STOM: variants seen among roughly 807,000 people sequenced by gnomAD.
STOM encodes the protein stomatin.
Under a neutral mutation model 30.6 loss-of-function variants are expected in STOM, and 25 were observed. That is an observed-to-expected ratio of 0.82 (90% CI 0.60 to 1.14). The LOEUF is 1.14. Ranked by LOEUF, STOM falls within the 50% of genes most tolerant of loss-of-function variation. The probability of loss-of-function intolerance (pLI) is 0.00; values close to 1 mark genes in which losing one functional copy is unlikely to be tolerated. For synonymous variants in STOM, 118 were observed against 130.8 expected, an observed-to-expected ratio of 0.90 and a Z score of 0.67; for missense variants, 292 against 365.2, an observed-to-expected ratio of 0.80 and a Z score of 1.63.
chr9:121,362,735 G>A (rs2064465698), intron 1 of STOM, among the ~76,000 whole-genome samples: 1 of 152,192 alleles, frequency 6.6e-6, no homozygotes, highest in South Asian at 2.1e-4. Flanking sequence ...TGAAGTAGGT[G>A]TTAAAATATG....
intron 2 of STOM, among the ~76,000 whole-genome samples, chr9:121,355,507 AT>A (rs1212190285): frequency 6.6e-6 from 1 of 152,178 alleles, no homozygotes; most frequent in Non-Finnish European, 1.5e-5. Context: ...CTTGGAGCAT[AT>A]TTTATCTTCT....
chr9:121,349,536 A>C (rs1475057517), intron 4 of STOM, among the ~76,000 whole-genome samples: 1 of 152,204 alleles, frequency 6.6e-6, no homozygotes, highest in African/African-American at 2.4e-5. Flanking sequence ...ATATCACTCA[A>C]CAGCAGGCAC....
At chr9:121,364,126 A>G (rs2064481450) in intron 1 of STOM, among the ~76,000 whole-genome samples, 1 of 152,170 alleles carries the variant, frequency 6.6e-6, no homozygotes, top group South Asian at 2.1e-4. Context: ...GAATCCTACA[A>G]AGAGAGATAG....
intron 1 of STOM, among the ~76,000 whole-genome samples, chr9:121,365,071 A>G (rs1589299278): frequency 6.6e-6 from 1 of 152,154 alleles, no homozygotes; most frequent in Non-Finnish European, 1.5e-5. Context: ...TAGTGTATAT[A>G]ACAGGTACTC....
At chr9:121,355,953 GAC>G (rs1336170148) in intron 2 of STOM, 98 bp downstream of exon 2, 1 of 710,064 alleles carries the variant, frequency 1.4e-6, no homozygotes, top group East Asian at 3.0e-5. Context: ...AAGAGAGAGA[GAC>G]AGTCTGTTTC....
intron 1 of STOM, among the ~76,000 whole-genome samples, chr9:121,360,077 A>G (rs966218950): frequency 6.6e-6 from 1 of 152,222 alleles, no homozygotes; most frequent in Non-Finnish European, 1.5e-5. Context: ...CCCATAACAT[A>G]CTAGAGTAAA....
At chr9:121,354,557 G>C (rs368147015) in intron 3 of STOM, 44 bp downstream of exon 3, 4 of 1,460,810 alleles carry the variant, frequency 2.7e-6, no homozygotes, top group Non-Finnish European at 3.7e-6. Context: ...AAAATAAAAA[G>C]AACTTTAGTT....
At chr9:121,351,661 A>G (rs1002011515) in intron 4 of STOM, among the ~76,000 whole-genome samples, 3 of 152,246 alleles carry the variant, frequency 2.0e-5, no homozygotes, top group Non-Finnish European at 4.4e-5. Flanking sequence ...CAATGCATTT[A>G]GCATGGAGCT....
chr9:121,365,178 A>C (rs1186659520), intron 1 of STOM, among the ~76,000 whole-genome samples: 1 of 152,150 alleles, frequency 6.6e-6, no homozygotes, highest in African/African-American at 2.4e-5. Context: ...AGACAAACTG[A>C]AACAGCAGAC....
At chr9:121,345,423 C>G (rs1564627375) in intron 6 of STOM, among the ~76,000 whole-genome samples, 1 of 152,164 alleles carries the variant, frequency 6.6e-6, no homozygotes, top group South Asian at 2.1e-4. Context: ...GCTAATTAGC[C>G]TAAGGAATTT....
intron 6 of STOM, among the ~76,000 whole-genome samples, chr9:121,345,848 G>T (rs1346024111): frequency 6.6e-6 from 1 of 152,182 alleles, no homozygotes; most frequent in East Asian, 1.9e-4. Flanking sequence ...GAGCAGAGGG[G>T]AATTCTAATT....
At chr9:121,348,277 G>A (rs1589289026) in intron 5 of STOM, 128 bp from the exon 6 acceptor site, 2 of 1,334,266 alleles carry the variant, frequency 1.5e-6, no homozygotes, top group Admixed American at 2.0e-5. Context: ...TTACCCCACG[G>A]TGGAACGAAT....
In STOM at chr9:121,340,448, C is replaced by T. The variant is rs533764985; in HGVS notation, c.*754G>A. The T allele has an allele frequency of 1.1e-5, 11 of 985,360 alleles. No homozygotes were observed. The South Asian group carries it at 2.8e-4, about 25-fold the overall frequency. 61.0% of individuals were successfully genotyped at this position (985,360 alleles called of 1,614,324 possible). A position where few individuals can be genotyped will look rare whatever the true frequency, so the allele number is the denominator to read the frequency against. On this transcript the variant is annotated 3_prime_UTR_variant, in exon 7 of 7. Coordinates refer to ENST00000286713, the MANE Select transcript of STOM (RefSeq NM_004099.6). The stretch of plus-strand genomic sequence containing the variant: ...ATTAGGGAAATTTCCTTAATTAAGA[C>T]TCTCCAAACCAGGTGTGGTAGCTCA...
intron 1 of STOM, among the ~76,000 whole-genome samples, chr9:121,365,491 T>C (rs1473089549): frequency 2.8e-5 from 4 of 144,700 alleles, no homozygotes; most frequent in African/African-American, 5.1e-5. Context: ...TTTTTTTTTT[T>C]CCCAGCTCTT....
rs560550444 is a variant in STOM, at chr9:121,357,832, C to T, written c.62-1676G>A. On this transcript the variant is annotated intron_variant, in intron 1 of 6. Coordinates refer to ENST00000286713, the MANE Select transcript of STOM (RefSeq NM_004099.6). ...CTCTTTCACCTTCTTTTTTGGCCTTCGTGGTTATGCATTTGTGTTTTTGAA... is the reference window on the plus strand; with the variant it reads ...CTCTTTCACCTTCTTTTTTGGCCTTTGTGGTTATGCATTTGTGTTTTTGAA... 5.3e-5 allele frequency among the ~76,000 whole-genome samples: 8 copies of T among 152,004 alleles called. No homozygotes were observed. The East Asian group carries it at 5.8e-4, about 11-fold the overall frequency.
At chr9:121,360,630 T>C (rs1793676961) in intron 1 of STOM, among the ~76,000 whole-genome samples, 1 of 152,238 alleles carries the variant, frequency 6.6e-6, no homozygotes, top group African/African-American at 2.4e-5. Flanking sequence ...AAATAGCATT[T>C]ACCCTTTTTG....
chr9:121,353,688 G>A (rs577500025), intron 3 of STOM, among the ~76,000 whole-genome samples: 6 of 151,838 alleles, frequency 4.0e-5, no homozygotes, highest in Non-Finnish European at 7.4e-5. Context: ...TGCATAACCC[G>A]CCTTTGTTCC....
At position 121,339,708 on chromosome 9, in the gene STOM, C is replaced by A; in HGVS notation, c.*1494G>T. On this transcript the variant is annotated 3_prime_UTR_variant, in exon 7 of 7. Transcript: ENST00000286713. ...ATGCCAGGTTGCTCAGATTCACAGA[C>A]ATTTGCAAAACAGAAGATGTCTCCT... is the stretch of plus-strand genomic sequence containing the variant. The A allele has an allele frequency of 8.1e-7, 1 of 1,231,262 alleles. No individual in the cohort carries two copies. Among genetic ancestry groups the A allele is most frequent in the East Asian group, 3.2e-5 (1 of 31,678 alleles). 76.3% of individuals were successfully genotyped at this position (1,231,262 alleles called of 1,614,324 possible). A position where few individuals can be genotyped will look rare whatever the true frequency, so the allele number is the denominator to read the frequency against.
chr9:121,362,552 G>A (rs553433440), intron 1 of STOM, among the ~76,000 whole-genome samples: 2 of 152,080 alleles, frequency 1.3e-5, no homozygotes. Flanking sequence ...TATTTCCTGT[G>A]TAAGTTAATT....
Sources: allele counts gnomAD v4.1 joint callset (sites outside exome capture counted in the v4.1 genomes callset), GRCh38; gene constraint gnomAD v4.1.1; transcripts MANE v1.5; gene names NCBI Gene and HGNC (gene_info 2026-07-23, HGNC 2026-07-21).